Variants in SLC35F3 observed in about 807,000 individuals in gnomAD.
The protein encoded by SLC35F3 is solute carrier family 35 member F3.
Under a neutral mutation model 49.9 loss-of-function variants are expected in SLC35F3, and 25 were observed. The ratio of observed to expected loss-of-function variants is 0.50; its 90% CI spans 0.37 to 0.70. The LOEUF (loss-of-function observed/expected upper bound fraction) is 0.70, where lower values mean the gene tolerates loss of function less well. Among genes scored for constraint, SLC35F3 ranks in the 30% least tolerant of loss-of-function variants. SLC35F3 has a pLI of 0.00. For missense variants in SLC35F3, 525 were observed against 639.8 expected (o/e 0.82, Z 1.94); for synonymous variants, 275 against 265.4 (o/e 1.04, Z -0.35).
intron 2 of SLC35F3, among the ~76,000 whole-genome samples, chr1:234,205,649 TCTG>T (rs1262771951): frequency 6.6e-6 from 1 of 152,088 alleles, no homozygotes; most frequent in Non-Finnish European, 1.5e-5. Context: ...TAAAAGAAAC[TCTG>T]CCAAGAGTCA....
At chr1:234,232,091 G>T (rs1217221736) in intron 3 of SLC35F3, among the ~76,000 whole-genome samples, 1 of 152,146 alleles carries the variant, frequency 6.6e-6, no homozygotes, top group East Asian at 1.9e-4. Flanking sequence ...GGTGAGGACC[G>T]CAAGGCCATG....
chr1:234,125,662 C>A lies in SLC35F3; in HGVS notation c.284-105755C>A, dbSNP rs1665635775. 3.3e-5 allele frequency among the ~76,000 whole-genome samples: 5 copies of A among 152,156 alleles called. No individual in the cohort carries two copies. In the South Asian group the frequency reaches 1.0e-3, roughly 32 times the overall value. On this transcript the variant is annotated intron_variant, in intron 2 of 7. Transcript: ENST00000366618. ...CTAACCCAGTCTCTGTTTCTCAATC[C>A]CCCTTCTAGAATGCCAACAAAGTTA...
chr1:234,247,562 A>G (rs28548858), intron 3 of SLC35F3, among the ~76,000 whole-genome samples: 30,385 of 128,174 alleles, frequency 0.24, 4,324 homozygotes, highest in East Asian at 0.72. Flanking sequence ...TTCGTTGTTC[A>G]GTGGGTTGAT....
At chr1:234,115,632 G>A (rs1463882471) in intron 2 of SLC35F3, among the ~76,000 whole-genome samples, 1 of 152,178 alleles carries the variant, frequency 6.6e-6, no homozygotes, top group Non-Finnish European at 1.5e-5. Flanking sequence ...TGCAAAAATA[G>A]TAAAAGAATT....
intron 2 of SLC35F3, among the ~76,000 whole-genome samples, chr1:233,963,598 G>A (rs1662844958): frequency 6.6e-6 from 1 of 151,934 alleles, no homozygotes. Context: ...ACCGTGCCCG[G>A]CCAGGGCAGG....
At chr1:234,003,526 A>G (rs1303694754) in intron 2 of SLC35F3, among the ~76,000 whole-genome samples, 1 of 152,218 alleles carries the variant, frequency 6.6e-6, no homozygotes, top group African/African-American at 2.4e-5. Context: ...AAATCCAAAC[A>G]TTAAAAAATG....
intron 2 of SLC35F3, among the ~76,000 whole-genome samples, chr1:233,916,618 G>A (rs926757179): frequency 6.6e-6 from 1 of 152,192 alleles, no homozygotes; most frequent in Admixed American, 6.5e-5. Flanking sequence ...ATGTAATTAC[G>A]ATTAATTGTA....
chr1:234,179,082 G>A (rs74147546), intron 2 of SLC35F3, among the ~76,000 whole-genome samples: 1 of 152,076 alleles, frequency 6.6e-6, no homozygotes, highest in South Asian at 2.1e-4. Flanking sequence ...CCATCTCCAG[G>A]CCCCACATTC....
At chr1:234,203,176 T>C (rs1572093221) in intron 2 of SLC35F3, among the ~76,000 whole-genome samples, 1 of 152,254 alleles carries the variant, frequency 6.6e-6, no homozygotes, top group South Asian at 2.1e-4. Flanking sequence ...GGAGTGATCA[T>C]TTACTTTTGT....
chr1:234,009,301 T>A (rs1663677924), intron 2 of SLC35F3, among the ~76,000 whole-genome samples: 1 of 152,238 alleles, frequency 6.6e-6, no homozygotes, highest in African/African-American at 2.4e-5. Flanking sequence ...TGTTTGAAGA[T>A]ACTTGTGGTA....
Position 234,303,999 on chromosome 1 carries a change from A to ATCCTTCCTTCCT in SLC35F3, c.609-5067_609-5056dup, listed in dbSNP as rs745697175. On this transcript the variant is annotated intron_variant, in intron 3 of 7. Coordinates refer to ENST00000366618, the MANE Select transcript of SLC35F3 (RefSeq NM_173508.4). Reference sequence around the variant, plus strand: ...CTTTCTGGTTTAATCTCCTAATTTTATCCTTCCTTCCTTCCTTCCTTCCTT... The same window carrying ATCCTTCCTTCCT: ...CTTTCTGGTTTAATCTCCTAATTTTATCCTTCCTTCCTTCCTTCCTTCCTTCCTTCCTTCCTT... Among the ~76,000 whole-genome samples the ATCCTTCCTTCCT allele has an allele frequency of 1.9e-3, 236 of 125,416 alleles. 2 individuals are homozygous for ATCCTTCCTTCCT. Among genetic ancestry groups the ATCCTTCCTTCCT allele is most frequent in the Admixed American group, 6.0e-3 (70 of 11,612 alleles). The allele number at this position is 125,416 out of a possible 152,430, so 82.3% of individuals were successfully genotyped here.
chr1:234,148,907 G>A (rs1488727438), intron 2 of SLC35F3, among the ~76,000 whole-genome samples: 1 of 152,164 alleles, frequency 6.6e-6, no homozygotes, highest in Non-Finnish European at 1.5e-5. Context: ...ATGGAGACTG[G>A]TGCCATTTCC....
chr1:234,154,516 G>A (rs189313988), intron 2 of SLC35F3, among the ~76,000 whole-genome samples: 23 of 152,246 alleles, frequency 1.5e-4, no homozygotes, highest in Non-Finnish European at 2.1e-4. Flanking sequence ...AGTCTAAGCC[G>A]GAAATGTGTA....
chr1:234,271,844 G>A (rs1363045677), intron 3 of SLC35F3, among the ~76,000 whole-genome samples: 2 of 152,160 alleles, frequency 1.3e-5, no homozygotes, highest in South Asian at 4.1e-4. Context: ...AGAGAACAAG[G>A]CCAGATGCAG....
intron 2 of SLC35F3, among the ~76,000 whole-genome samples, chr1:233,954,111 A>G (rs1349630836): frequency 1.3e-5 from 2 of 151,528 alleles, no homozygotes; most frequent in East Asian, 2.0e-4. Context: ...GGTTCAAGCT[A>G]TTCTCCTGCC....
chr1:234,169,445 G>A (rs1666365680), intron 2 of SLC35F3, among the ~76,000 whole-genome samples: 1 of 152,206 alleles, frequency 6.6e-6, no homozygotes, highest in Non-Finnish European at 1.5e-5. Flanking sequence ...GTTCCCGGCT[G>A]TGGGCTCCCA....
intron 2 of SLC35F3, among the ~76,000 whole-genome samples, chr1:234,014,150 G>A (rs1047846340): frequency 6.6e-6 from 1 of 152,240 alleles, no homozygotes; most frequent in Non-Finnish European, 1.5e-5. Flanking sequence ...GTAATCAAGT[G>A]GGATTTATTC....
chr1:234,106,210 G>A (rs923753285), intron 2 of SLC35F3, among the ~76,000 whole-genome samples: 20 of 152,208 alleles, frequency 1.3e-4, no homozygotes, highest in African/African-American at 4.8e-4. Context: ...TTCTTTGCCA[G>A]CTATTGGTCT....
chr1:234,009,971 A>C (rs1192569713), intron 2 of SLC35F3, among the ~76,000 whole-genome samples: 3 of 152,228 alleles, frequency 2.0e-5, no homozygotes, highest in Non-Finnish European at 2.9e-5. Flanking sequence ...AGAATTGCTA[A>C]AGGGAGTTCT....
Sources: gnomAD v4.1 joint callset for allele counts (sites outside exome capture counted in the v4.1 genomes callset) on GRCh38, gnomAD v4.1.1 for gene constraint, MANE v1.5 for transcripts, NCBI Gene and HGNC (gene_info 2026-07-23, HGNC 2026-07-21) for gene names.